ZNF723: variants seen among roughly 807,000 people sequenced by gnomAD.
The protein encoded by ZNF723 is zinc finger protein 723.
In ZNF723, 5 loss-of-function variants were observed where a neutral mutation model predicts 9.4. That is an observed-to-expected ratio of 0.53 (90% CI 0.28 to 1.12). The LOEUF (loss-of-function observed/expected upper bound fraction) is 1.12, where lower values mean the gene tolerates loss of function less well. Among genes scored for constraint, ZNF723 ranks in the 50% most tolerant of loss-of-function variants. ZNF723 has a pLI of 0.10. For synonymous variants in ZNF723, 158 were observed against 168.8 expected, an observed-to-expected ratio of 0.94 and a Z score of 0.49; for missense variants, 450 against 501.5, an observed-to-expected ratio of 0.90 and a Z score of 0.98.
chr19:22,850,004 G>A (rs1486748836), intron 3 of ZNF723, among the ~76,000 whole-genome samples: 1 of 151,738 alleles, frequency 6.6e-6, no homozygotes, highest in East Asian at 1.9e-4. Context: ...AGTGGTTTCT[G>A]TTCCATTTGT....
chr19:22,824,985 C>G, the ZNF723 span, among the ~76,000 whole-genome samples: 2 of 152,142 alleles, frequency 1.3e-5, no homozygotes, highest in Non-Finnish European at 2.9e-5. Context: ...GAATATTATA[C>G]AAAGCCTTTG....
chr19:22,831,570 T>A (rs1250630577), upstream of ZNF723, among the ~76,000 whole-genome samples: 1 of 147,406 alleles, frequency 6.8e-6, no homozygotes, highest in African/African-American at 2.5e-5. Context: ...AAAAAAAAAT[T>A]AAAATTCACA....
chr19:22,847,969 T>C (rs12985811), intron 1 of ZNF723, among the ~76,000 whole-genome samples: 33,735 of 151,404 alleles, frequency 0.22, 4,667 homozygotes, highest in African/African-American at 0.4. Context: ...GGCGTGGTGG[T>C]GGGTGTCTTG....
chr19:22,848,677 A>T (rs1967348244), intron 2 of ZNF723, among the ~76,000 whole-genome samples: 1 of 152,078 alleles, frequency 6.6e-6, no homozygotes, highest in South Asian at 2.1e-4. Flanking sequence ...ACACCTTAAC[A>T]TCTAAGTGTC....
chr19:22,820,364 T>C, the ZNF723 span, among the ~76,000 whole-genome samples: 1 of 152,192 alleles, frequency 6.6e-6, no homozygotes, highest in East Asian at 1.9e-4. Flanking sequence ...GTGATTTGAC[T>C]CTGCTGCCTG....
In ZNF723 at chr19:22,855,313, C is replaced by T. The variant is rs935987589; in HGVS notation, c.227-1805C>T. Among the ~76,000 whole-genome samples, 7 of 151,104 alleles carry T rather than the reference C, an allele frequency of 4.6e-5. No homozygotes were observed. The East Asian group carries it at 1.2e-3, about 25-fold the overall frequency. Reference sequence around the variant, plus strand: ...GTGCAGTCCTGGCTCACTGCAACCTCCACCTCCCGGGTTCAAGTGATTCTC... The same window carrying T: ...GTGCAGTCCTGGCTCACTGCAACCTTCACCTCCCGGGTTCAAGTGATTCTC... On this transcript the variant is annotated intron_variant, in intron 3 of 3. Coordinates refer to ENST00000600766, the MANE Select transcript of ZNF723 (RefSeq NM_001349726.2).
intron 3 of ZNF723, among the ~76,000 whole-genome samples, chr19:22,849,690 C>A (rs996997482): frequency 6.6e-6 from 1 of 152,098 alleles, no homozygotes; most frequent in South Asian, 2.1e-4. Context: ...GGGTGGATCA[C>A]CTGAGGTCAG....
chr19:22,854,271 C>A (rs1967439825), intron 3 of ZNF723, among the ~76,000 whole-genome samples: 1 of 152,048 alleles, frequency 6.6e-6, no homozygotes, highest in Admixed American at 6.5e-5. Context: ...AAATATGACA[C>A]TTTGACTTCA....
intron 1 of ZNF723, among the ~76,000 whole-genome samples, chr19:22,846,297 T>G (rs192969580): frequency 1.3e-5 from 2 of 152,130 alleles, no homozygotes; most frequent in African/African-American, 2.4e-5. Context: ...CCATTAGCAC[T>G]ATGCAGAACG....
At chr19:22,844,846 G>T (rs1160255253) in intron 1 of ZNF723, among the ~76,000 whole-genome samples, 1 of 152,218 alleles carries the variant, frequency 6.6e-6, no homozygotes, top group Non-Finnish European at 1.5e-5. Context: ...TTCATGGCCG[G>T]CGTGGTGGCT....
intron 1 of ZNF723, chr19:22,840,603 T>C (rs547272951): frequency 1.3e-5 from 2 of 152,220 alleles, no homozygotes; most frequent in Admixed American, 1.3e-4. Context: ...AATCTGAGTT[T>C]TGTTTTTAAA....
At position 22,832,388 on chromosome 19, in the gene ZNF723, A is replaced by G; in HGVS notation, c.3+6A>G. ...TCCCTGGAAGCCTAGAAATGGTGAG[A>G]GTACCGGGTCCGACATCCCGAGAGA... On this transcript the variant is annotated splice_donor_region_variant and intron_variant, in intron 1 of 3. Transcript: ENST00000600766. 2 of 1,384,144 alleles carry G rather than the reference A, an allele frequency of 1.4e-6. No homozygotes were observed. The highest frequency in any genetic ancestry group is 5.2e-5 in the East Asian group (2 of 38,458). 85.7% of individuals were successfully genotyped at this position (1,384,144 alleles called of 1,614,324 possible).
chr19:22,843,222 C>G (rs1436632370), intron 1 of ZNF723, among the ~76,000 whole-genome samples: 3 of 152,178 alleles, frequency 2.0e-5, no homozygotes, highest in Non-Finnish European at 4.4e-5. Flanking sequence ...TGAGTCTCTC[C>G]TGTCTGTTTT....
chr19:22,824,566 A>G, the ZNF723 span, among the ~76,000 whole-genome samples: 3 of 152,188 alleles, frequency 2.0e-5, no homozygotes, highest in Non-Finnish European at 4.4e-5. Context: ...TGTTACTTGC[A>G]TGAAAGGTCA....
chr19:22,817,693 C>T, the ZNF723 span, among the ~76,000 whole-genome samples: 34 of 152,314 alleles, frequency 2.2e-4, no homozygotes, highest in African/African-American at 7.7e-4. Flanking sequence ...CTTTGCCCAG[C>T]TCATAGGTAT....
At chr19:22,821,350 C>T in the ZNF723 span, among the ~76,000 whole-genome samples, 3 of 152,134 alleles carry the variant, frequency 2.0e-5, no homozygotes, top group African/African-American at 4.8e-5. Context: ...TACTCTCCTG[C>T]GTAGACCCTG....
chr19:22,826,483 G>A, the ZNF723 span, among the ~76,000 whole-genome samples: 26 of 152,196 alleles, frequency 1.7e-4, no homozygotes, highest in Admixed American at 4.6e-4. Flanking sequence ...AGTGTACAGA[G>A]AGTATTATAA....
At chr19:22,825,442 T>G in the ZNF723 span, among the ~76,000 whole-genome samples, 1 of 152,258 alleles carries the variant, frequency 6.6e-6, no homozygotes, top group Non-Finnish European at 1.5e-5. Flanking sequence ...TTGCCTAGCA[T>G]TTGAGTAATT....
upstream of ZNF723, among the ~76,000 whole-genome samples, chr19:22,827,726 G>A (rs1388146953): frequency 2.6e-5 from 4 of 152,048 alleles, no homozygotes; most frequent in Admixed American, 2.6e-4. Flanking sequence ...TAGGAAACAG[G>A]CCACCGTGCC....
Sources: allele counts gnomAD v4.1 joint callset (sites outside exome capture counted in the v4.1 genomes callset), GRCh38; gene constraint gnomAD v4.1.1; transcripts MANE v1.5; gene names NCBI Gene and HGNC (gene_info 2026-07-23, HGNC 2026-07-21).